Variants in CARD10 observed in about 807,000 individuals in gnomAD.
The protein encoded by CARD10 is caspase recruitment domain-containing protein 10.
A neutral mutation model predicts 114.6 loss-of-function variants in CARD10; 49 were observed. The ratio of observed to expected loss-of-function variants is 0.43; its 90% CI spans 0.34 to 0.54. The LOEUF (loss-of-function observed/expected upper bound fraction) is 0.54, where lower values mean the gene tolerates loss of function less well. Among genes scored for constraint, CARD10 ranks in the 20% least tolerant of loss-of-function variants. The probability of loss-of-function intolerance (pLI) is 0.03; values close to 1 mark genes in which losing one functional copy is unlikely to be tolerated. For missense variants in CARD10, 1,206 were observed against 1,397.2 expected (o/e 0.86, Z 2.18); for synonymous variants, 602 against 593.2 (o/e 1.01, Z -0.21).
In CARD10 at chr22:37,504,835, C is replaced by A. The variant is rs901890208; in HGVS notation, c.1384-66G>T. 6.3e-6 allele frequency: 6 copies of A among 948,196 alleles called. No individual in the cohort carries two copies. The African/African-American group carries it at 1.0e-4, about 16-fold the overall frequency. The allele number at this position is 948,196 out of a possible 1,614,324, so 58.7% of individuals were successfully genotyped here. The stretch of plus-strand genomic sequence containing the variant: ...GGCCCACGTCAACCACAGTCCTTTA[C>A]TGAGCACCTGCCATGTGCCAGCACA... On this transcript the variant is annotated intron_variant, in intron 7 of 19. Transcript: ENST00000251973.
In CARD10 at chr22:37,497,042, AC is replaced by A. The variant is rs747097319; in HGVS notation, c.1923del (p.Ser642ProfsTer41). The A allele has an allele frequency of 1.2e-6, 2 of 1,613,658 alleles. No homozygotes were observed. Among genetic ancestry groups the A allele is most frequent in the Non-Finnish European group, 1.7e-6 (2 of 1,179,832 alleles). ...AVVRRVLSGPGSARMEPREQR... is the reference protein window; with the variant it reads ...AVVRRVLSGPXSARMEPREQR... ...ACCTCTCTTGGTTCCATCCTGGCGG[AC>A]CCAGGCCCAGACAGCACCCTGCGCA... On this transcript the variant is annotated frameshift_variant, in exon 12 of 20. Coordinates refer to ENST00000251973, the MANE Select transcript of CARD10 (RefSeq NM_014550.4). LOFTEE classifies it high-confidence loss of function.
rs773173454 is a variant in CARD10, at chr22:37,508,659, C to T, written c.933G>A (p.Pro311=). The T allele has an allele frequency of 4.4e-6, 7 of 1,573,388 alleles. No homozygotes were observed. Among genetic ancestry groups the T allele is most frequent in the African/African-American group, 1.3e-5 (1 of 74,262 alleles). ...TGTCCAGCAGGATGCGCTCGGAGCC[C>T]GGGGCCCCCGGCCGGCTCGCCTCCT... is the stretch of plus-strand genomic sequence containing the variant. ...LQQEASRPGA[P]GSERILLDIL... is the part of the protein sequence containing the mutation. The change falls in exon 5 of 20, where the codon CCG becomes CCA. Residue 311 remains proline, a synonymous_variant. Coordinates refer to ENST00000251973, the MANE Select transcript of CARD10 (RefSeq NM_014550.4).
chr22:37,494,038 T>C (rs1180356350), intron 16 of CARD10, 48 bp downstream of exon 16: 6 of 1,357,662 alleles, frequency 4.4e-6, no homozygotes, highest in Non-Finnish European at 6.2e-6. Flanking sequence ...CACACATCCC[T>C]GGACAATGGG....
intron 11 of CARD10, among the ~76,000 whole-genome samples, chr22:37,502,138 CG>C (rs1181650500): frequency 6.6e-6 from 1 of 152,236 alleles, no homozygotes; most frequent in Non-Finnish European, 1.5e-5. Context: ...GTGGCTGGCC[CG>C]GTCACAGGGG....
At position 37,501,383 on chromosome 22, in the gene CARD10, G is replaced by T. The variant is rs138792172; in HGVS notation, c.1787+1219C>A. On this transcript the variant is annotated intron_variant, in intron 11 of 19. Coordinates refer to ENST00000251973, the MANE Select transcript of CARD10 (RefSeq NM_014550.4). This position sits in a 1 kb window ranked among gnomAD's most constrained non-coding sequence, Gnocchi z 5.4. ...GGAGGAAGGGAGGAAGGGCCGAGGCGAGCAGGAAGGGAGGCGCCTCCACCC... is the reference window on the plus strand; with the variant it reads ...GGAGGAAGGGAGGAAGGGCCGAGGCTAGCAGGAAGGGAGGCGCCTCCACCC... Among the ~76,000 whole-genome samples the T allele has an allele frequency of 6.6e-6, 1 of 152,294 alleles. No individual in the cohort carries two copies. The highest frequency in any genetic ancestry group is 6.5e-5 in the Admixed American group (1 of 15,308).
At chr22:37,508,974 C>T (rs1373989364) in intron 4 of CARD10, 2 of 1,547,004 alleles carry the variant, frequency 1.3e-6, no homozygotes, top group Non-Finnish European at 8.7e-7. Flanking sequence ...TAAACAAGCA[C>T]CAGGCACACA....
At position 37,492,908 on chromosome 22, in the gene CARD10, G is replaced by A; in HGVS notation, c.2477-106C>T. On this transcript the variant is annotated intron_variant, in intron 16 of 19. Transcript: ENST00000251973. This position sits in a 1 kb window ranked among gnomAD's most constrained non-coding sequence, Gnocchi z 5.7. ...CGCCACCCATCCCTTCCTAAGTCCT[G>A]CTGCTGCTCCTCCTACACATGCACA... 1 of 1,204,944 alleles carries A rather than the reference G, an allele frequency of 8.3e-7. No homozygotes were observed. The highest frequency in any genetic ancestry group is 1.2e-6 in the Non-Finnish European group (1 of 867,504). The allele number at this position is 1,204,944 out of a possible 1,614,324, so 74.6% of individuals were successfully genotyped here. A position where few individuals can be genotyped will look rare whatever the true frequency, so the allele number is the denominator to read the frequency against.
Position 37,506,247 on chromosome 22 carries a change from G to A in CARD10, c.1328C>T (p.Thr443Ile). 3 of 1,607,236 alleles carry A rather than the reference G, an allele frequency of 1.9e-6. No homozygotes were observed. In the South Asian group the frequency reaches 3.4e-5, roughly 18 times the overall value. Residue 443 changes from threonine to isoleucine, a missense_variant, in exon 7 of 20, where the codon ACC (threonine) becomes ATC (isoleucine). Physicochemically the swap from Thr to Ile is moderately conservative, Grantham distance 89. Coordinates refer to ENST00000251973, the MANE Select transcript of CARD10 (RefSeq NM_014550.4). ...CAGCTGAACCTCCAGCAGAGCCTTG[G>A]TGCCCTCCAGGCTGGTGAGCGTTGT... ...LLTTLTSLEG[T>I]KALLEVQLQR... is the part of the protein sequence containing the mutation.
chr22:37,495,191 C>A (rs182003123), intron 15 of CARD10, among the ~76,000 whole-genome samples: 154 of 152,332 alleles, frequency 1.0e-3, no homozygotes, highest in African/African-American at 3.2e-3. Context: ...TGGTCTCGAT[C>A]TCCTGACCTT....
intron 11 of CARD10, among the ~76,000 whole-genome samples, chr22:37,499,817 G>C (rs1471651625): frequency 6.6e-6 from 1 of 152,014 alleles, no homozygotes; most frequent in Non-Finnish European, 1.5e-5. Context: ...CGCCTCAGCA[G>C]ACAAGCAGGA....
chr22:37,518,701 C>T (rs904130285), intron 1 of CARD10, among the ~76,000 whole-genome samples: 3 of 152,298 alleles, frequency 2.0e-5, no homozygotes, highest in African/African-American at 2.4e-5. Context: ...CACATCCAAC[C>T]TTCTGCTCTA....
intron 7 of CARD10, 55 bp downstream of exon 7, chr22:37,506,137 T>C: frequency 7.3e-7 from 1 of 1,370,702 alleles, no homozygotes; most frequent in Non-Finnish European, 9.7e-7. Flanking sequence ...GGCCAAGAGC[T>C]CCTGCCAGGA....
intron 2 of CARD10, among the ~76,000 whole-genome samples, chr22:37,516,543 G>A (rs1923851527): frequency 6.6e-6 from 1 of 152,152 alleles, no homozygotes; most frequent in Non-Finnish European, 1.5e-5. Context: ...ATGTAACAAA[G>A]TTAATAAGCA....
chr22:37,497,880 G>A (rs988475540), intron 11 of CARD10, among the ~76,000 whole-genome samples: 1 of 151,440 alleles, frequency 6.6e-6, no homozygotes, highest in African/African-American at 2.4e-5. Flanking sequence ...AGCTTGTTAT[G>A]CTCACAGTCT....
rs746345033 is a variant in CARD10, at chr22:37,495,987, G to A, written c.2076C>T (p.His692=). 35 of 1,613,746 alleles carry A rather than the reference G, an allele frequency of 2.2e-5. No individual in the cohort carries two copies. The highest frequency in any genetic ancestry group is 5.0e-5 in the Admixed American group (3 of 60,002). ...LMDSKACQSF[H]EALEAWAKGP... is the part of the protein sequence containing the mutation. ...CCTTTGCCCAGGCTTCTAGGGCCTC[G>A]TGGAAGGACTGGCAGGCTGGGCATG... Residue 692 remains histidine (H), a synonymous_variant, in exon 14 of 20, where the codon CAC becomes CAT. Transcript: ENST00000251973.
intron 6 of CARD10, among the ~76,000 whole-genome samples, chr22:37,507,306 C>T (rs1395842924): frequency 1.3e-5 from 2 of 152,182 alleles, no homozygotes; most frequent in Non-Finnish European, 1.5e-5. Context: ...CAGACTTCAA[C>T]TCCTCTAGTG....
intron 15 of CARD10, 34 bp from the exon 16 acceptor site, chr22:37,494,222 A>C: frequency 1.4e-6 from 2 of 1,429,684 alleles, no homozygotes; most frequent in Non-Finnish European, 1.9e-6. Flanking sequence ...AGCATCTGAG[A>C]GCTCAGCCCC....
At position 37,519,412 on chromosome 22, in the gene CARD10, C is replaced by T. The variant is rs1274505943; in HGVS notation, c.-212G>A. The stretch of plus-strand genomic sequence containing the variant: ...CGGCGGCTCCGCCGGCGCAGGGGGG[C>T]GGTGCCCGTGGCGCCCCCGGCTCCG... On this transcript the variant is annotated 5_prime_UTR_variant, in exon 1 of 20. Coordinates refer to ENST00000251973, the MANE Select transcript of CARD10 (RefSeq NM_014550.4). This position sits in a 1 kb window ranked among gnomAD's most constrained non-coding sequence, Gnocchi z 4.1. 1.0e-5 allele frequency: 12 copies of T among 1,174,006 alleles called. No individual in the cohort carries two copies. The highest frequency in any genetic ancestry group is 6.9e-4 in the Middle Eastern group (2 of 2,918). The allele number at this position is 1,174,006 out of a possible 1,614,324, so 72.7% of individuals were successfully genotyped here. A position where few individuals can be genotyped will look rare whatever the true frequency, so the allele number is the denominator to read the frequency against.
chr22:37,505,995 G>A (rs936656651), intron 7 of CARD10, among the ~76,000 whole-genome samples, 197 bp downstream of exon 7: 1 of 151,992 alleles, frequency 6.6e-6, no homozygotes, highest in Non-Finnish European at 1.5e-5. Flanking sequence ...ATGCCCCTCC[G>A]CCTGCTCACC....
Sources: gnomAD v4.1 joint callset for allele counts (sites outside exome capture counted in the v4.1 genomes callset) on GRCh38, gnomAD v4.1.1 for gene constraint, Gnocchi (gnomAD v3.1) non-coding constraint, MANE v1.5 for transcripts, NCBI Gene and HGNC (gene_info 2026-07-23, HGNC 2026-07-21) for gene names.